EGFLAM: variants seen among roughly 807,000 people sequenced by gnomAD.
EGFLAM encodes EGF like, fibronectin type III and laminin G domains, also known as pikachurin.
EGFLAM carries 79 observed loss-of-function variants against 113.1 expected under a neutral mutation model. The observed-to-expected ratio is 0.70, with a 90% CI of 0.58 to 0.84. The LOEUF is 0.84. Among genes scored for constraint, EGFLAM ranks in the 40% least tolerant of loss-of-function variants. The pLI is 0.00. For synonymous variants in EGFLAM, 504 were observed against 487.6 expected, an observed-to-expected ratio of 1.03 and a Z score of -0.44; for missense variants, 1,265 against 1,291.6, an observed-to-expected ratio of 0.98 and a Z score of 0.32.
chr5:38,403,084 C>A (rs1741166275), intron 6 of EGFLAM, among the ~76,000 whole-genome samples: 1 of 152,036 alleles, frequency 6.6e-6, no homozygotes, highest in Non-Finnish European at 1.5e-5. Context: ...TGGAATCTAA[C>A]AATTCTGAAT....
At chr5:38,406,311 A>G (rs1741283713) in intron 7 of EGFLAM, 70 bp downstream of exon 7, 2 of 1,337,368 alleles carry the variant, frequency 1.5e-6, no homozygotes, top group Middle Eastern at 1.8e-4. Flanking sequence ...AATTTAGCCA[A>G]TGGACCATAA....
intron 1 of EGFLAM, among the ~76,000 whole-genome samples, chr5:38,285,485 A>G (rs910655331): frequency 6.6e-6 from 1 of 151,992 alleles, no homozygotes; most frequent in Non-Finnish European, 1.5e-5. Context: ...TGGGTGGGGG[A>G]GGTGATGCAC....
intron 5 of EGFLAM, among the ~76,000 whole-genome samples, chr5:38,354,099 G>A (rs948982063): frequency 5.3e-5 from 8 of 152,106 alleles, no homozygotes; most frequent in Non-Finnish European, 1.2e-4. Flanking sequence ...ACCCTCAAAG[G>A]AAAATTGTGG....
intron 5 of EGFLAM, among the ~76,000 whole-genome samples, chr5:38,365,638 G>A (rs930193649): frequency 1.6e-4 from 24 of 152,074 alleles, no homozygotes; most frequent in African/African-American, 5.8e-4. Context: ...CCAGCATTTT[G>A]TTTTTTAAAA....
At chr5:38,335,210 T>C (rs761217134) in intron 1 of EGFLAM, among the ~76,000 whole-genome samples, 1 of 152,236 alleles carries the variant, frequency 6.6e-6, no homozygotes, top group Non-Finnish European at 1.5e-5. Flanking sequence ...AATGAAAATG[T>C]ATGTACTCGA....
At chr5:38,377,422 G>T (rs1478612931) in intron 6 of EGFLAM, among the ~76,000 whole-genome samples, 1 of 152,138 alleles carries the variant, frequency 6.6e-6, no homozygotes, top group African/African-American at 2.4e-5. Context: ...GGGATTACAG[G>T]CGTGAGCCAC....
intron 1 of EGFLAM, among the ~76,000 whole-genome samples, chr5:38,259,486 G>C (rs1757447908): frequency 6.6e-6 from 1 of 152,218 alleles, no homozygotes. Flanking sequence ...GGAATTGGGG[G>C]AGAACTTGAA....
chr5:38,269,582 C>T (rs1757718281), intron 1 of EGFLAM, among the ~76,000 whole-genome samples: 2 of 151,614 alleles, frequency 1.3e-5, no homozygotes, highest in African/African-American at 4.8e-5. Flanking sequence ...CTCCGCCTCG[C>T]AGGTTCACGC....
chr5:38,349,208 T>C (rs748283919), intron 3 of EGFLAM, among the ~76,000 whole-genome samples: 15 of 152,072 alleles, frequency 9.9e-5, no homozygotes, highest in Non-Finnish European at 1.8e-4. Context: ...ATAAGAGAAA[T>C]AGTAACAGTT....
chr5:38,459,948 TC>T (rs1743218886), intron 20 of EGFLAM, among the ~76,000 whole-genome samples: 1 of 152,258 alleles, frequency 6.6e-6, no homozygotes, highest in Non-Finnish European at 1.5e-5. Flanking sequence ...AGAAATGTTG[TC>T]CCATCATGAA....
At chr5:38,378,169 A>G (rs1456775832) in intron 6 of EGFLAM, among the ~76,000 whole-genome samples, 3 of 152,130 alleles carry the variant, frequency 2.0e-5, no homozygotes, top group Non-Finnish European at 2.9e-5. Flanking sequence ...ATCTGATTCC[A>G]TGCTGTTCCC....
chr5:38,328,655 GA>G (rs1738951292), intron 1 of EGFLAM, among the ~76,000 whole-genome samples: 1 of 147,682 alleles, frequency 6.8e-6, no homozygotes, highest in Non-Finnish European at 1.5e-5. Flanking sequence ...CTCAATTTTT[GA>G]AATGTGTATT....
intron 6 of EGFLAM, among the ~76,000 whole-genome samples, chr5:38,372,349 G>T (rs538263242): frequency 2.4e-4 from 37 of 152,182 alleles, no homozygotes; most frequent in African/African-American, 7.7e-4. Context: ...CACCACGTTG[G>T]CCAGGCTGGT....
intron 19 of EGFLAM, 144 bp downstream of exon 19, chr5:38,451,602 C>T: frequency 8.2e-7 from 1 of 1,212,582 alleles, no homozygotes; most frequent in South Asian, 1.6e-5. Context: ...ATTGGAAGCT[C>T]CTGGTCTTTC....
At chr5:38,409,982 C>A (rs1741425749) in intron 10 of EGFLAM, among the ~76,000 whole-genome samples, 1 of 152,146 alleles carries the variant, frequency 6.6e-6, no homozygotes, top group African/African-American at 2.4e-5. Context: ...GGCGCACTGG[C>A]TGACATCCTA....
At chr5:38,291,776 A>T (rs561919117) in intron 1 of EGFLAM, among the ~76,000 whole-genome samples, 1 of 152,094 alleles carries the variant, frequency 6.6e-6, no homozygotes, top group African/African-American at 2.4e-5. Flanking sequence ...AAAGGAAGCA[A>T]CTCTTCAGGG....
chr5:38,407,739 A>G (rs1371179868), intron 8 of EGFLAM, 66 bp from the exon 9 acceptor site: 3 of 1,231,762 alleles, frequency 2.4e-6, no homozygotes, highest in Non-Finnish European at 2.4e-6. Context: ...AACGTTGTAT[A>G]TTGATTTTTG....
At chr5:38,375,006 C>T (rs373657652) in intron 6 of EGFLAM, among the ~76,000 whole-genome samples, 2 of 146,694 alleles carry the variant, frequency 1.4e-5, no homozygotes, top group Admixed American at 6.8e-5. Context: ...TTTTCAGAGG[C>T]GTGATTTGAA....
At chr5:38,384,391 T>C (rs952966175) in intron 6 of EGFLAM, among the ~76,000 whole-genome samples, 1 of 152,172 alleles carries the variant, frequency 6.6e-6, no homozygotes, top group Admixed American at 6.5e-5. Flanking sequence ...CCCACTTACA[T>C]GCGTGGTTAC....
Sources: allele counts gnomAD v4.1 joint callset (sites outside exome capture counted in the v4.1 genomes callset), GRCh38; gene constraint gnomAD v4.1.1; transcripts MANE v1.5; gene names NCBI Gene and HGNC (gene_info 2026-07-23, HGNC 2026-07-21).